The following CNTLN variants were observed in gnomAD, a reference collection of about 807,000 sequenced individuals.
The protein encoded by CNTLN is centlein, centrosomal protein.
CNTLN carries 212 observed loss-of-function variants against 180.0 expected under a neutral mutation model. The observed-to-expected ratio is 1.18, with a 90% CI of 1.05 to 1.32. The LOEUF (loss-of-function observed/expected upper bound fraction) is 1.32. Ranked by LOEUF, CNTLN falls within the 40% of genes most tolerant of loss-of-function variation. The pLI, the probability that CNTLN is intolerant of heterozygous loss-of-function variation, is 0.00. For missense variants in CNTLN, 2,095 were observed against 1,610.9 expected (o/e 1.30, Z -5.14); for synonymous variants, 722 against 563.1 (o/e 1.28, Z -3.99).
intron 2 of CNTLN, among the ~76,000 whole-genome samples, chr9:17,182,426 T>G (rs111241841): frequency 2.7e-3 from 416 of 152,284 alleles, no homozygotes; most frequent in Non-Finnish European, 5.1e-3. Flanking sequence ...AATCTGCCTT[T>G]TTTCCCCCAC....
At chr9:17,474,824 C>T (rs374518993) in intron 23 of CNTLN, among the ~76,000 whole-genome samples, 7 of 151,060 alleles carry the variant, frequency 4.6e-5, no homozygotes, top group East Asian at 2.0e-4. Flanking sequence ...GCCAAGATCG[C>T]GCCACTGCAC....
intron 8 of CNTLN, among the ~76,000 whole-genome samples, chr9:17,320,683 A>G (rs533278821): frequency 6.6e-6 from 1 of 151,570 alleles, no homozygotes; most frequent in Non-Finnish European, 1.5e-5. Context: ...TTGTATTTTT[A>G]GTAGACACGG....
intron 6 of CNTLN, among the ~76,000 whole-genome samples, chr9:17,274,455 A>ATCTATCTATCTG (rs796377300): frequency 0.1 from 5,550 of 54,246 alleles, 108 homozygotes; most frequent in Middle Eastern, 0.24. Flanking sequence ...ATAGATCAAT[A>ATCTATCTATCTG]TCTATCTATC....
chr9:17,209,829 AT>A (rs1430496390), intron 2 of CNTLN, among the ~76,000 whole-genome samples: 2 of 152,200 alleles, frequency 1.3e-5, no homozygotes, highest in African/African-American at 4.8e-5. Context: ...AGGTATCTGC[AT>A]TTTAAAACAT....
intron 23 of CNTLN, 25 bp downstream of exon 23, chr9:17,466,916 A>G: frequency 3.2e-6 from 5 of 1,580,968 alleles, no homozygotes; most frequent in Non-Finnish European, 4.3e-6. Context: ...TCGTTTACTA[A>G]CTTGTACTTT....
intron 1 of CNTLN, among the ~76,000 whole-genome samples, chr9:17,142,659 C>T (rs370258567): frequency 6.6e-6 from 1 of 152,106 alleles, no homozygotes; most frequent in East Asian, 1.9e-4. Context: ...ACCCAGAGTG[C>T]ACAGATTCAC....
Position 17,394,734 on chromosome 9 carries a change from T to C in CNTLN, c.2280T>C (p.Leu760=). 1 of 1,613,726 alleles carries C rather than the reference T, an allele frequency of 6.2e-7. No homozygotes were observed. Among genetic ancestry groups the C allele is most frequent in the Middle Eastern group, 1.7e-4 (1 of 6,060 alleles). ...ATGTAGAAAAAGAAAATACTGAACT[T>C]CAAGTAAAAATCAGTGAGCTGGAGA... ...SKDVEKENTE[L]QVKISELETE... is the part of the protein sequence containing the mutation. Residue 760 remains leucine, a synonymous_variant, in exon 15 of 26, where the codon CTT becomes CTC. Coordinates refer to ENST00000380647, the MANE Select transcript of CNTLN (RefSeq NM_017738.4).
At chr9:17,321,978 C>A (rs546748901) in intron 8 of CNTLN, among the ~76,000 whole-genome samples, 1 of 151,994 alleles carries the variant, frequency 6.6e-6, no homozygotes, top group Non-Finnish European at 1.5e-5. Flanking sequence ...TGCTTATCAT[C>A]GTATTTTTAT....
intron 12 of CNTLN, among the ~76,000 whole-genome samples, chr9:17,356,592 A>G (rs1822870193): frequency 6.6e-6 from 1 of 152,144 alleles, no homozygotes; most frequent in Non-Finnish European, 1.5e-5. Context: ...ATGCTTTTAA[A>G]CTATGGAGTT....
intron 13 of CNTLN, among the ~76,000 whole-genome samples, chr9:17,379,208 G>C (rs998387152): frequency 6.6e-6 from 1 of 151,886 alleles, no homozygotes; most frequent in African/African-American, 2.4e-5. Flanking sequence ...TACTGCACCT[G>C]TATGAGCTTT....
chr9:17,289,389 G>C (rs1309738260), intron 6 of CNTLN, among the ~76,000 whole-genome samples: 23 of 108,808 alleles, frequency 2.1e-4, no homozygotes, highest in Middle Eastern at 4.8e-3. Flanking sequence ...CTGTTAGTCT[G>C]ATGGGCTTCC....
intron 14 of CNTLN, among the ~76,000 whole-genome samples, chr9:17,388,773 A>G (rs1262493165): frequency 6.6e-6 from 1 of 151,860 alleles, no homozygotes; most frequent in African/African-American, 2.4e-5. Flanking sequence ...TGTTTTAATA[A>G]GATCATCCAT....
intron 2 of CNTLN, among the ~76,000 whole-genome samples, chr9:17,210,575 A>G (rs1006567626): frequency 4.6e-5 from 7 of 152,212 alleles, no homozygotes; most frequent in Non-Finnish European, 7.3e-5. Flanking sequence ...TTGGGTATAT[A>G]CCCAGTAATG....
chr9:17,215,875 T>C (rs1823716585), intron 2 of CNTLN, among the ~76,000 whole-genome samples: 3 of 152,140 alleles, frequency 2.0e-5, no homozygotes. Flanking sequence ...AATCTCCTGG[T>C]GTGCCGTATG....
At chr9:17,162,663 T>G (rs1056870702) in intron 2 of CNTLN, among the ~76,000 whole-genome samples, 15 of 152,188 alleles carry the variant, frequency 9.9e-5, no homozygotes, top group Non-Finnish European at 2.1e-4. Flanking sequence ...TCTGGATGTT[T>G]CCTTGAGTTG....
At chr9:17,201,240 T>A (rs910666722) in intron 2 of CNTLN, among the ~76,000 whole-genome samples, 1 of 152,218 alleles carries the variant, frequency 6.6e-6, no homozygotes, top group Non-Finnish European at 1.5e-5. Context: ...TTTGCCAGCA[T>A]TTTATTGAGG....
chr9:17,217,599 A>T (rs1823848808), intron 2 of CNTLN, among the ~76,000 whole-genome samples: 1 of 152,238 alleles, frequency 6.6e-6, no homozygotes, highest in Non-Finnish European at 1.5e-5. Context: ...ATGTTAAAAC[A>T]GTCTGTTCTG....
intron 2 of CNTLN, among the ~76,000 whole-genome samples, chr9:17,152,918 T>G (rs1031799922): frequency 6.6e-5 from 10 of 152,200 alleles, no homozygotes; most frequent in Admixed American, 5.9e-4. Context: ...GTAATACCCT[T>G]CTTTGTCTCT....
At chr9:17,308,954 T>C in intron 7 of CNTLN, 104 bp from the exon 8 acceptor site, 1 of 638,408 alleles carries the variant, frequency 1.6e-6, no homozygotes, top group East Asian at 3.0e-5. Context: ...GCAAGAACTG[T>C]GTTTATACAG....
Sources: gnomAD v4.1 joint callset for allele counts (sites outside exome capture counted in the v4.1 genomes callset) on GRCh38, gnomAD v4.1.1 for gene constraint, MANE v1.5 for transcripts, NCBI Gene and HGNC (gene_info 2026-07-23, HGNC 2026-07-21) for gene names.